ZFHX3: variants seen among roughly 807,000 people sequenced by gnomAD.
ZFHX3 encodes zinc finger homeobox protein 3.
In ZFHX3, 42 loss-of-function variants were observed where a neutral mutation model predicts 279.1. The ratio of observed to expected loss-of-function variants is 0.15; its 90% CI spans 0.12 to 0.19. The LOEUF (loss-of-function observed/expected upper bound fraction) is 0.19. ZFHX3 is among the 10% of genes least tolerant of loss of function. The pLI is 1.00. For missense variants in ZFHX3, 4,981 were observed against 4,754.0 expected (o/e 1.05, Z -1.40); for synonymous variants, 2,293 against 1,957.8 (o/e 1.17, Z -4.52).
At chr16:73,543,042 G>A (rs2020046068) in intron 2 of ZFHX3, among the ~76,000 whole-genome samples, 1 of 152,214 alleles carries the variant, frequency 6.6e-6, no homozygotes, top group Non-Finnish European at 1.5e-5. Flanking sequence ...ACCACGGGAA[G>A]GAGAAGGGTT....
intron 3 of ZFHX3, among the ~76,000 whole-genome samples, chr16:73,335,971 T>C (rs1036362877): frequency 1.3e-5 from 2 of 152,242 alleles, no homozygotes; most frequent in Non-Finnish European, 2.9e-5. Context: ...AGATTCTTTT[T>C]CTTCTAGTTC....
chr16:73,507,842 C>A (rs1250345308), intron 2 of ZFHX3, among the ~76,000 whole-genome samples: 4 of 152,092 alleles, frequency 2.6e-5, no homozygotes, highest in Admixed American at 2.0e-4. Context: ...AAACTTTTAA[C>A]CTGTCCAATC....
At chr16:73,533,650 C>T (rs2459557) in intron 2 of ZFHX3, among the ~76,000 whole-genome samples, 2 of 151,850 alleles carry the variant, frequency 1.3e-5, no homozygotes, top group African/African-American at 4.8e-5. Flanking sequence ...TTTAATAGAC[C>T]TCTGAAAATC....
Position 72,794,572 on chromosome 16 carries a change from C to T in ZFHX3, c.8110G>A (p.Val2704Ile), listed in dbSNP as rs764738388. The change falls in exon 9 of 10, where the codon GTA becomes ATA. Residue 2704 changes from valine (V) to isoleucine (I), a missense_variant. Physicochemically the swap from Val to Ile is conservative, Grantham distance 29 (BLOSUM62 3). Transcript: ENST00000268489. This position sits in a 1 kb window ranked among gnomAD's most constrained non-coding sequence, Gnocchi z 4.2. ...ARERKGQFRA[V>I]GPAQAHRRCP... ...CTCCTGTGGGCCTGCGCTGGGCCTA[C>T]AGCCCGGAACTGTCCTTTCCTTTCC... 2.7e-5 allele frequency: 44 copies of T among 1,614,126 alleles called. No individual in the cohort carries two copies. The highest frequency in any genetic ancestry group is 3.5e-5 in the Non-Finnish European group (41 of 1,180,058).
intron 2 of ZFHX3, among the ~76,000 whole-genome samples, chr16:73,533,149 A>C (rs2019837641): frequency 6.6e-6 from 1 of 152,028 alleles, no homozygotes. Flanking sequence ...CTCACACTCC[A>C]AAGTGACTAT....
chr16:73,441,978 A>G (rs577323396), intron 3 of ZFHX3, among the ~76,000 whole-genome samples: 14 of 152,304 alleles, frequency 9.2e-5, no homozygotes, highest in South Asian at 4.2e-4. Context: ...AATTTTCTCA[A>G]CAGTTAGTGT....
At chr16:72,907,395 A>C (rs2039203366) in intron 3 of ZFHX3, among the ~76,000 whole-genome samples, 1 of 151,904 alleles carries the variant, frequency 6.6e-6, no homozygotes, top group African/African-American at 2.4e-5. Context: ...ATGAGTGTTC[A>C]TCAATCACCT....
chr16:73,004,916 G>T (rs1963650175), intron 1 of ZFHX3, among the ~76,000 whole-genome samples: 1 of 152,126 alleles, frequency 6.6e-6, no homozygotes, highest in African/African-American at 2.4e-5. Context: ...GGAATGGATG[G>T]TAACATATGC....
chr16:73,718,753 C>G (rs2053443222), intron 1 of ZFHX3, among the ~76,000 whole-genome samples: 1 of 151,772 alleles, frequency 6.6e-6, no homozygotes, highest in South Asian at 2.1e-4. Flanking sequence ...GTAGCTGGGA[C>G]TACAGGCGCA....
intron 2 of ZFHX3, among the ~76,000 whole-genome samples, chr16:73,498,156 G>A (rs747278694): frequency 4.6e-5 from 7 of 152,146 alleles, no homozygotes; most frequent in South Asian, 2.1e-4. Flanking sequence ...TTGTAAAAGC[G>A]TAACAGAAAT....
intron 5 of ZFHX3, among the ~76,000 whole-genome samples, chr16:73,169,085 A>T (rs1010418095): frequency 3.3e-5 from 5 of 152,206 alleles, no homozygotes; most frequent in African/African-American, 4.8e-5. Flanking sequence ...ATTGGAGGAT[A>T]TTTGTGAGGG....
chr16:73,184,151 C>A (rs1268775260), intron 5 of ZFHX3, among the ~76,000 whole-genome samples: 1 of 152,096 alleles, frequency 6.6e-6, no homozygotes, highest in African/African-American at 2.4e-5. Flanking sequence ...TCCCTTCTGA[C>A]CTCACCATCT....
At chr16:73,132,349 C>T (rs771448839) in intron 6 of ZFHX3, among the ~76,000 whole-genome samples, 3 of 152,140 alleles carry the variant, frequency 2.0e-5, no homozygotes, top group African/African-American at 7.2e-5. Flanking sequence ...AGGACCCAAA[C>T]TTGTGCCTCC....
chr16:73,006,061 T>C (rs538717412), intron 1 of ZFHX3: 5 of 152,356 alleles, frequency 3.3e-5, no homozygotes, highest in African/African-American at 1.2e-4. Flanking sequence ...GACAGTAACA[T>C]CTGGAAATAA....
intron 1 of ZFHX3, among the ~76,000 whole-genome samples, chr16:73,764,067 G>C (rs2053900803): frequency 6.6e-6 from 1 of 152,160 alleles, no homozygotes; most frequent in African/African-American, 2.4e-5. Flanking sequence ...CTGACCTACA[G>C]AAACTGTGAG....
At chr16:73,224,529 A>T (rs1251565733) in intron 5 of ZFHX3, among the ~76,000 whole-genome samples, 2 of 152,206 alleles carry the variant, frequency 1.3e-5, no homozygotes, top group Non-Finnish European at 2.9e-5. Flanking sequence ...ACACAAGCTA[A>T]CATGTCTCAA....
chr16:73,800,486 C>T (rs1037539379), intron 1 of ZFHX3, among the ~76,000 whole-genome samples: 1 of 151,964 alleles, frequency 6.6e-6, no homozygotes, highest in Non-Finnish European at 1.5e-5. Context: ...CAAAGAGCTG[C>T]GATTACAGGC....
chr16:73,227,256 A>G (rs911996596), intron 5 of ZFHX3, among the ~76,000 whole-genome samples: 5 of 152,208 alleles, frequency 3.3e-5, no homozygotes, highest in African/African-American at 1.2e-4. Flanking sequence ...GTGGTTCTTA[A>G]TAAGATTTTT....
At chr16:73,798,506 G>A (rs1960059790) in intron 1 of ZFHX3, among the ~76,000 whole-genome samples, 1 of 152,030 alleles carries the variant, frequency 6.6e-6, no homozygotes, top group African/African-American at 2.4e-5. Flanking sequence ...ACCATAAAAG[G>A]ACCCAGATAC....
Sources: gnomAD v4.1 joint callset for allele counts (sites outside exome capture counted in the v4.1 genomes callset) on GRCh38, gnomAD v4.1.1 for gene constraint, Gnocchi (gnomAD v3.1) non-coding constraint, MANE v1.5 for transcripts, NCBI Gene and HGNC (gene_info 2026-07-23, HGNC 2026-07-21) for gene names.